TSPAN7: variants seen among roughly 807,000 people sequenced by gnomAD.
TSPAN7 encodes tetraspanin 7.
In TSPAN7, 1 loss-of-function variant was observed where a neutral mutation model predicts 17.6. That is an observed-to-expected ratio of 0.06 (90% CI 0.02 to 0.27). TSPAN7 has a LOEUF of 0.27. Ranked by LOEUF, TSPAN7 falls within the 10% of genes least tolerant of loss-of-function variation. The pLI is 1.00. For missense variants in TSPAN7, 112 were observed against 201.7 expected, an observed-to-expected ratio of 0.56 and a Z score of 2.69; for synonymous variants, 78 against 79.0, an observed-to-expected ratio of 0.99 and a Z score of 0.07.
intron 1 of TSPAN7, among the ~76,000 whole-genome samples, chrX:38,640,383 T>A (rs1223100230): frequency 8.9e-6 from 1 of 112,038 alleles, no homozygotes; most frequent in African/African-American, 3.3e-5. Context: ...CAAGATTGCA[T>A]CTTATTGTGT....
intron 1 of TSPAN7, among the ~76,000 whole-genome samples, chrX:38,650,327 A>G (rs938229698): frequency 8.9e-6 from 1 of 112,288 alleles, no homozygotes; most frequent in Non-Finnish European, 1.9e-5. Flanking sequence ...ATGAGTTGAG[A>G]GAATGGTTTA....
chrX:38,627,870 T>C (rs2069530171), intron 1 of TSPAN7, among the ~76,000 whole-genome samples: 1 of 112,998 alleles, frequency 8.8e-6, no homozygotes, highest in African/African-American at 3.2e-5. Flanking sequence ...TAGAGGGCAG[T>C]GCCCTCCACC....
intron 1 of TSPAN7, among the ~76,000 whole-genome samples, chrX:38,617,222 T>C (rs1409626837): frequency 8.9e-6 from 1 of 112,082 alleles, no homozygotes; most frequent in Non-Finnish European, 1.9e-5. Flanking sequence ...CCTACCTCTG[T>C]TAAAAGATAA....
At chrX:38,616,815 G>A (rs1386442612) in intron 1 of TSPAN7, among the ~76,000 whole-genome samples, 3 of 111,407 alleles carry the variant, frequency 2.7e-5, no homozygotes, top group Non-Finnish European at 5.7e-5. Flanking sequence ...ATTTCCTTGA[G>A]CCCCTATGAA....
intron 1 of TSPAN7, among the ~76,000 whole-genome samples, chrX:38,604,953 A>G (rs1247378221): frequency 1.2e-4 from 13 of 111,557 alleles, no homozygotes; most frequent in Non-Finnish European, 2.4e-4. Context: ...AGCCAATATC[A>G]TACTGAATGG....
At chrX:38,577,487 A>G (rs1183914872) in intron 1 of TSPAN7, among the ~76,000 whole-genome samples, 1 of 109,330 alleles carries the variant, frequency 9.1e-6, no homozygotes, top group Non-Finnish European at 1.9e-5. Flanking sequence ...TTAGGCATTC[A>G]AACTCAAGAT....
chrX:38,680,581 CT>C (rs1478769499), intron 5 of TSPAN7, among the ~76,000 whole-genome samples: 1 of 96,525 alleles, frequency 1.0e-5, no homozygotes, highest in Non-Finnish European at 2.1e-5. Context: ...CTCTCTCTCT[CT>C]CTGGAAAAGA....
chrX:38,623,593 T>C (rs2069501993), intron 1 of TSPAN7, among the ~76,000 whole-genome samples: 1 of 106,351 alleles, frequency 9.4e-6, no homozygotes, highest in East Asian at 3.1e-4. Flanking sequence ...ACTTTATACA[T>C]TATTAGGTTG....
intron 1 of TSPAN7, among the ~76,000 whole-genome samples, chrX:38,630,301 G>A (rs1022174126): frequency 2.7e-5 from 3 of 112,088 alleles, no homozygotes; most frequent in African/African-American, 9.7e-5. Flanking sequence ...GCTCTGTTCT[G>A]TAGCCATCTT....
chrX:38,640,025 G>A (rs1288547555), intron 1 of TSPAN7, among the ~76,000 whole-genome samples: 3 of 111,743 alleles, frequency 2.7e-5, no homozygotes, highest in Non-Finnish European at 3.8e-5. Flanking sequence ...GGACAGTTTT[G>A]TACTACAATG....
intron 1 of TSPAN7, among the ~76,000 whole-genome samples, chrX:38,654,495 G>A (rs2147442926): frequency 8.9e-6 from 1 of 112,450 alleles, no homozygotes; most frequent in East Asian, 2.8e-4. Context: ...TGGATTAGAA[G>A]CAATTGGCTA....
chrX:38,680,539 T>TTCTTTCTCTC (rs1315085092), intron 5 of TSPAN7, among the ~76,000 whole-genome samples: 9 of 75,610 alleles, frequency 1.2e-4, no homozygotes, highest in African/African-American at 4.4e-4. Context: ...TACTTACAAA[T>TTCTTTCTCTC]TCTCTCTCTC....
At chrX:38,656,039 G>A (rs1347188160) in intron 1 of TSPAN7, 4 of 323,698 alleles carry the variant, frequency 1.2e-5, no homozygotes, top group Non-Finnish European at 2.4e-5. Context: ...CCAATAAAAG[G>A]GAGCTGAATT....
chrX:38,583,949 C>CTTTTTTTTTTTTTTTTT (rs34777484), intron 1 of TSPAN7, among the ~76,000 whole-genome samples: 1 of 66,974 alleles, frequency 1.5e-5, no homozygotes, highest in African/African-American at 6.1e-5. Flanking sequence ...TTTTTCTTTT[C>CTTTTTTTTTTTTTTTTT]TTTTTTTTTT....
intron 5 of TSPAN7, among the ~76,000 whole-genome samples, chrX:38,677,113 A>G (rs774361074): frequency 3.6e-5 from 4 of 111,869 alleles, no homozygotes; most frequent in African/African-American, 1.3e-4. Flanking sequence ...GTGAAAATTG[A>G]GGATCCAGAA....
At chrX:38,687,006 CT>C (rs1462886723) in intron 6 of TSPAN7, among the ~76,000 whole-genome samples, 1 of 111,339 alleles carries the variant, frequency 9.0e-6, no homozygotes, top group Non-Finnish European at 1.9e-5. Flanking sequence ...CCACTTTCCC[CT>C]AGCCCCTCCT....
chrX:38,670,832 C>T (rs1352414097), intron 2 of TSPAN7, among the ~76,000 whole-genome samples: 1 of 112,346 alleles, frequency 8.9e-6, no homozygotes. Flanking sequence ...CTGAAAGCAG[C>T]ACCAATGCCA....
intron 6 of TSPAN7, among the ~76,000 whole-genome samples, chrX:38,687,155 A>G (rs746791655): frequency 8.9e-6 from 1 of 112,298 alleles, no homozygotes; most frequent in Non-Finnish European, 1.9e-5. Flanking sequence ...ATGCTGAGAA[A>G]TCTTCCAAAT....
chrX:38,613,225 C>T (rs894188264), intron 1 of TSPAN7, among the ~76,000 whole-genome samples: 30 of 111,431 alleles, frequency 2.7e-4, no homozygotes, highest in Middle Eastern at 4.6e-3. Flanking sequence ...GTGTTTGTTT[C>T]GGTTCTTTAG....
Sources: gnomAD v4.1 joint callset for allele counts (sites outside exome capture counted in the v4.1 genomes callset) on GRCh38, gnomAD v4.1.1 for gene constraint, MANE v1.5 for transcripts, NCBI Gene and HGNC (gene_info 2026-07-23, HGNC 2026-07-21) for gene names.